Variants in TYR observed in about 807,000 individuals in gnomAD.
The protein encoded by TYR is LB24-AB.
A neutral mutation model predicts 51.5 loss-of-function variants in TYR; 58 were observed. The ratio of observed to expected loss-of-function variants is 1.13; its 90% CI spans 0.91 to 1.40. The LOEUF is 1.40. TYR is among the 40% of genes most tolerant of loss of function. The pLI is 0.00. For missense variants in TYR, 732 were observed against 647.4 expected (o/e 1.13, Z -1.42); for synonymous variants, 263 against 235.2 (o/e 1.12, Z -1.08).
At chr11:89,187,431 T>C (rs532816892) in intron 1 of TYR, among the ~76,000 whole-genome samples, 1 of 152,280 alleles carries the variant, frequency 6.6e-6, no homozygotes, top group South Asian at 2.1e-4. Context: ...CCTAATGCTA[T>C]CTTAACATGG....
At chr11:89,209,307 G>A (rs904150795) in intron 2 of TYR, among the ~76,000 whole-genome samples, 2 of 152,212 alleles carry the variant, frequency 1.3e-5, no homozygotes, top group African/African-American at 4.8e-5. Flanking sequence ...TGGCTCAGCA[G>A]GTCCTGTGCC....
intron 3 of TYR, among the ~76,000 whole-genome samples, chr11:89,242,214 G>A (rs1021637490): frequency 5.3e-5 from 8 of 152,104 alleles, no homozygotes; most frequent in Admixed American, 2.6e-4. Context: ...TTGTTTGTTT[G>A]TTATGTTTTT....
At chr11:89,182,910 T>A (rs1444268845) in intron 1 of TYR, among the ~76,000 whole-genome samples, 3 of 152,072 alleles carry the variant, frequency 2.0e-5, no homozygotes, top group Non-Finnish European at 4.4e-5. Context: ...GAGTGAATTG[T>A]GACCAGGGAA....
chr11:89,238,130 C>G (rs1431800869), intron 3 of TYR, among the ~76,000 whole-genome samples: 1 of 152,100 alleles, frequency 6.6e-6, no homozygotes, highest in East Asian at 1.9e-4. Context: ...CCACTGCTCC[C>G]AGCCAATTCT....
intron 3 of TYR, among the ~76,000 whole-genome samples, chr11:89,276,728 G>A (rs183236075): frequency 4.6e-5 from 7 of 151,580 alleles, no homozygotes; most frequent in Non-Finnish European, 8.9e-5. Context: ...CAAGCAGAGC[G>A]TCTTCCAAGA....
At chr11:89,181,076 G>A (rs963131123) in intron 1 of TYR, among the ~76,000 whole-genome samples, 8 of 152,072 alleles carry the variant, frequency 5.3e-5, no homozygotes, top group African/African-American at 1.9e-4. Flanking sequence ...TGGCAGTGGT[G>A]CAATCTCCAT....
intron 2 of TYR, among the ~76,000 whole-genome samples, chr11:89,225,124 T>C (rs1187135177): frequency 6.6e-6 from 1 of 151,958 alleles, no homozygotes; most frequent in Non-Finnish European, 1.5e-5. Context: ...AGAATTTTGG[T>C]AGGCTACTTA....
intron 3 of TYR, among the ~76,000 whole-genome samples, chr11:89,235,572 A>G (rs1178251675): frequency 6.6e-6 from 1 of 152,188 alleles, no homozygotes; most frequent in Non-Finnish European, 1.5e-5. Context: ...CCATGCACAG[A>G]AAGACAAGTA....
chr11:89,254,016 T>A (rs2135301686), intron 3 of TYR, among the ~76,000 whole-genome samples: 1 of 151,898 alleles, frequency 6.6e-6, no homozygotes, highest in Middle Eastern at 3.4e-3. Context: ...CCAATTTTGA[T>A]GAAGGTTTTA....
chr11:89,187,709 G>A (rs1943393426), intron 1 of TYR, among the ~76,000 whole-genome samples: 1 of 152,034 alleles, frequency 6.6e-6, no homozygotes, highest in South Asian at 2.1e-4. Context: ...TCTCATTGAT[G>A]AGATGGAAAT....
chr11:89,192,035 A>G (rs761243683), intron 2 of TYR: 2 of 454,710 alleles, frequency 4.4e-6, no homozygotes, highest in Admixed American at 4.8e-5. Flanking sequence ...CTTTGAGGTA[A>G]GTTCATTCAT....
In TYR at chr11:89,206,220, G is replaced by A. The variant is rs564272670; in HGVS notation, c.1036+14802G>A. On this transcript the variant is annotated intron_variant, in intron 2 of 4. Coordinates refer to ENST00000263321, the MANE Select transcript of TYR (RefSeq NM_000372.5). ...TACCAATTAAGAGATTGGGAGACTA[G>A]ATTTTATTTAAAAATGACCTATATT... Among the ~76,000 whole-genome samples, 5 of 152,084 alleles carry A rather than the reference G, an allele frequency of 3.3e-5. No homozygotes were observed. In the South Asian group the frequency reaches 6.2e-4, roughly 19 times the overall value.
chr11:89,285,548 T>G (rs1404306817), intron 4 of TYR, among the ~76,000 whole-genome samples: 3 of 151,798 alleles, frequency 2.0e-5, no homozygotes, highest in African/African-American at 7.3e-5. Flanking sequence ...AGAATTAGAT[T>G]TGAGCTCTAA....
chr11:89,261,131 C>T (rs1590885248), intron 3 of TYR, among the ~76,000 whole-genome samples: 1 of 151,924 alleles, frequency 6.6e-6, no homozygotes, highest in East Asian at 1.9e-4. Flanking sequence ...GTATTCAACA[C>T]AAAAGAAGGC....
chr11:89,199,579 G>T (rs922209169), intron 2 of TYR, among the ~76,000 whole-genome samples: 1 of 152,170 alleles, frequency 6.6e-6, no homozygotes, highest in Non-Finnish European at 1.5e-5. Flanking sequence ...TTCAGTATCA[G>T]TTCTAAAATT....
At chr11:89,214,578 C>T (rs74400009) in intron 2 of TYR, among the ~76,000 whole-genome samples, 3,841 of 152,214 alleles carry the variant, frequency 0.025, 175 homozygotes, top group African/African-American at 0.088. Flanking sequence ...GACACATGCA[C>T]GTGTATGTTT....
chr11:89,290,544 T>C (rs1330714794), intron 4 of TYR, among the ~76,000 whole-genome samples: 2 of 152,084 alleles, frequency 1.3e-5, no homozygotes, highest in African/African-American at 4.8e-5. Context: ...CTAAGTATTG[T>C]AGTCCCATTT....
chr11:89,178,498 A>T lies in TYR; in HGVS notation c.545A>T (p.Tyr182Phe), dbSNP rs768350532. 3 of 1,614,164 alleles carry T rather than the reference A, an allele frequency of 1.9e-6. No individual in the cohort carries two copies. The South Asian group carries it at 3.3e-5, about 18-fold the overall frequency. ...GACCTCTTTGTCTGGATGCATTATTATGTGTCAATGGATGCACTGCTTGGG... is the reference window on the plus strand; with the variant it reads ...GACCTCTTTGTCTGGATGCATTATTTTGTGTCAATGGATGCACTGCTTGGG... ...IYDLFVWMHY[Y>F]VSMDALLGGS... The change falls in exon 1 of 5, where the codon TAT (tyrosine) becomes TTT (phenylalanine). Residue 182 changes from tyrosine to phenylalanine, a missense_variant. Coordinates refer to ENST00000263321, the MANE Select transcript of TYR (RefSeq NM_000372.5).
chr11:89,260,809 A>G (rs980198101), intron 3 of TYR, among the ~76,000 whole-genome samples: 2 of 152,162 alleles, frequency 1.3e-5, no homozygotes, highest in African/African-American at 4.8e-5. Flanking sequence ...CATGCTCCAT[A>G]TAACAGGGGT....
Sources: gnomAD v4.1 joint callset for allele counts (sites outside exome capture counted in the v4.1 genomes callset) on GRCh38, gnomAD v4.1.1 for gene constraint, MANE v1.5 for transcripts, NCBI Gene and HGNC (gene_info 2026-07-23, HGNC 2026-07-21) for gene names.